The following PTPRF variants were observed in gnomAD, a reference collection of about 807,000 sequenced individuals.
The protein encoded by PTPRF is protein tyrosine phosphatase receptor type F.
In PTPRF, 59 loss-of-function variants were observed where a neutral mutation model predicts 201.8. The ratio of observed to expected loss-of-function variants is 0.29; its 90% CI spans 0.24 to 0.36. PTPRF has a LOEUF of 0.36. Among genes scored for constraint, PTPRF ranks in the 10% least tolerant of loss-of-function variants. The pLI is 1.00. For synonymous variants in PTPRF, 1,088 were observed against 1,089.7 expected (o/e 1.00, Z 0.03); for missense variants, 2,132 against 2,690.5 (o/e 0.79, Z 4.59).
chr1:43,621,125 A>C lies in PTPRF; in HGVS notation c.5548A>C (p.Ile1850Leu), dbSNP rs1010214181. The change falls in exon 33 of 34, where the codon ATC (isoleucine) becomes CTC (leucine). Residue 1850 changes from isoleucine (I) to leucine (L), a missense_variant. Ile to Leu is a conservative substitution (Grantham distance 5). Around this residue, in one of 6 missense-constraint regions of PTPRF, gnomAD observed 519 missense variants for 659.5 expected, o/e 0.79. Coordinates refer to ENST00000359947, the MANE Select transcript of PTPRF (RefSeq NM_002840.5). ...SAGVGRTGVF[I>L]TLSIVLERMR... The stretch of plus-strand genomic sequence containing the variant: ...TGGCGTGGGCCGCACCGGGGTGTTC[A>C]TCACTCTGAGCATCGTCCTGGAGCG... 2 of 1,614,150 alleles carry C rather than the reference A, an allele frequency of 1.2e-6. No homozygotes were observed. Among genetic ancestry groups the C allele is most frequent in the Non-Finnish European group, 8.5e-7 (1 of 1,179,962 alleles).
chr1:43,530,110 A>G (rs2153944266), upstream of PTPRF, among the ~76,000 whole-genome samples: 1 of 151,890 alleles, frequency 6.6e-6, no homozygotes, highest in South Asian at 2.1e-4. The surrounding 1 kb of genome is among the most constrained non-coding windows in gnomAD (Gnocchi z 4.1). Flanking sequence ...TAGGGTCCTA[A>G]ATGGTCTCAA....
chr1:43,602,139 G>A, intron 14 of PTPRF, 42 bp downstream of exon 14: 1 of 1,595,770 alleles, frequency 6.3e-7, no homozygotes, highest in Non-Finnish European at 8.6e-7. Context: ...CATGGGTCAA[G>A]CTGGGCTCGT....
intron 3 of PTPRF, among the ~76,000 whole-genome samples, chr1:43,552,988 G>C (rs1645128364): frequency 6.6e-6 from 1 of 152,206 alleles, no homozygotes. Context: ...GGCTGGGAGA[G>C]AGGGAGGAGT....
chr1:43,606,776 G>T, intron 20 of PTPRF, 38 bp from the exon 21 acceptor site: 1 of 1,602,348 alleles, frequency 6.2e-7, no homozygotes. Flanking sequence ...GGGTTCTCAC[G>T]CTGAGCTCAC....
chr1:43,573,574 A>G (rs970605152), intron 6 of PTPRF, among the ~76,000 whole-genome samples: 9 of 151,990 alleles, frequency 5.9e-5, no homozygotes, highest in Non-Finnish European at 8.8e-5. Flanking sequence ...TCCCCACCCC[A>G]CTCTGCTCTG....
chr1:43,598,045 A>AT lies in PTPRF; in HGVS notation c.2112dup (p.Glu705Ter). The AT allele has an allele frequency of 6.7e-7, 1 of 1,487,904 alleles. No individual in the cohort carries two copies. The highest frequency in any genetic ancestry group is 9.0e-7 in the Non-Finnish European group (1 of 1,110,650). The allele number at this position is 1,487,904 out of a possible 1,614,324, so 92.2% of individuals were successfully genotyped here. On this transcript the variant is annotated frameshift_variant, in exon 12 of 34. Transcript: ENST00000359947. LOFTEE classifies it high-confidence loss of function. ...AGCAGCCCGGTGCTGGTGCGCACCG[A>AT]TGAGGACGGTAGGCAGTGCCACCGG...
intron 16 of PTPRF, 104 bp downstream of exon 16, chr1:43,604,293 T>G: frequency 1.6e-6 from 2 of 1,213,596 alleles, no homozygotes; most frequent in Non-Finnish European, 2.3e-6. Context: ...CACCAGCCTC[T>G]GGTGTGTGAC....
chr1:43,533,430 A>G (rs535430769), intron 1 of PTPRF, among the ~76,000 whole-genome samples: 15 of 152,034 alleles, frequency 9.9e-5, no homozygotes, highest in African/African-American at 3.6e-4. Context: ...GGCACAGTCC[A>G]CCCTTTTTTC....
intron 6 of PTPRF, among the ~76,000 whole-genome samples, chr1:43,572,090 C>T (rs1376890210): frequency 2.0e-5 from 3 of 152,212 alleles, no homozygotes; most frequent in East Asian, 3.8e-4. Context: ...TGCTCACCTT[C>T]CGGCTGCTCC....
chr1:43,598,243 T>A, intron 12 of PTPRF, 190 bp downstream of exon 12: 1 of 570,324 alleles, frequency 1.8e-6, no homozygotes, highest in Non-Finnish European at 2.9e-6. Flanking sequence ...TTTGGGGCTG[T>A]CTCCAAAGCA....
chr1:43,620,143 C>T lies in PTPRF; in HGVS notation c.5160C>T (p.Thr1720=), dbSNP rs1304360989. The change falls in exon 30 of 34, where the codon ACC becomes ACT. Residue 1720 remains threonine, a synonymous_variant. Transcript: ENST00000359947. ...IATQGPLAES[T]EDFWRMLWEH... is the part of the protein sequence containing the mutation. ...CACAGGGGCCTCTGGCAGAGAGCAC[C>T]GAGGACTTCTGGCGCATGCTATGGG... is the stretch of plus-strand genomic sequence containing the variant. 11 of 1,613,960 alleles carry T rather than the reference C, an allele frequency of 6.8e-6. No homozygotes were observed. Among genetic ancestry groups the T allele is most frequent in the South Asian group, 3.3e-5 (3 of 91,086 alleles).
At chr1:43,544,276 A>G (rs1490975668) in intron 2 of PTPRF, among the ~76,000 whole-genome samples, 4 of 152,206 alleles carry the variant, frequency 2.6e-5, no homozygotes, top group Admixed American at 2.0e-4. Flanking sequence ...CTAACACCCC[A>G]TTCCTGGCCA....
At chr1:43,566,691 A>G (rs181311841) in intron 5 of PTPRF, among the ~76,000 whole-genome samples, 1 of 152,316 alleles carries the variant, frequency 6.6e-6, no homozygotes, top group African/African-American at 2.4e-5. Flanking sequence ...GAGAAGGAAG[A>G]GGCAGCAGCA....
At chr1:43,620,410 A>G (rs1477697040) in intron 30 of PTPRF, 44 bp from the exon 31 acceptor site, 1 of 1,569,750 alleles carries the variant, frequency 6.4e-7, no homozygotes, top group Non-Finnish European at 8.7e-7. Context: ...CCCCTCCCCT[A>G]TTCCTTCTCA....
At chr1:43,531,292 C>T (rs1220888872) in intron 1 of PTPRF, among the ~76,000 whole-genome samples, 1 of 148,306 alleles carries the variant, frequency 6.7e-6, no homozygotes, top group Non-Finnish European at 1.5e-5. Context: ...CTGGCGGCTC[C>T]TCCCCGCTCA....
chr1:43,531,768 C>T (rs1163785858), intron 1 of PTPRF, among the ~76,000 whole-genome samples: 1 of 152,150 alleles, frequency 6.6e-6, no homozygotes, highest in African/African-American at 2.4e-5. Context: ...CCTGGAGCGA[C>T]CTGTCCCGTG....
chr1:43,620,725 C>T (rs1345253026), intron 31 of PTPRF, 113 bp from the exon 32 acceptor site: 18 of 1,521,632 alleles, frequency 1.2e-5, no homozygotes, highest in East Asian at 1.1e-4. Flanking sequence ...CCTGTGGCCT[C>T]GGGTGCAGTG....
chr1:43,543,642 T>C (rs1266823066), intron 2 of PTPRF, among the ~76,000 whole-genome samples: 1 of 152,190 alleles, frequency 6.6e-6, no homozygotes, highest in Admixed American at 6.5e-5. Flanking sequence ...ATTATCTCAG[T>C]TGAGACAAGG....
At chr1:43,543,048 G>A (rs1406917833) in intron 2 of PTPRF, among the ~76,000 whole-genome samples, 2 of 152,144 alleles carry the variant, frequency 1.3e-5, no homozygotes, top group African/African-American at 4.8e-5. Flanking sequence ...AGGCCACTGT[G>A]CCCTGTCCTT....
Sources: allele counts gnomAD v4.1 joint callset (sites outside exome capture counted in the v4.1 genomes callset), GRCh38; gene constraint gnomAD v4.1.1; regional missense constraint gnomAD v4.1.1; non-coding constraint Gnocchi (gnomAD v3.1); transcripts MANE v1.5; gene names NCBI Gene and HGNC (gene_info 2026-07-23, HGNC 2026-07-21).